Variants in GSK3B observed in about 807,000 individuals in gnomAD.
GSK3B encodes glycogen synthase kinase 3 beta, also known as glycogen synthase kinase-3 beta.
In GSK3B, 15 loss-of-function variants were observed where a neutral mutation model predicts 56.4. The observed-to-expected ratio is 0.27, with a 90% CI of 0.18 to 0.41. The LOEUF is 0.41. GSK3B is among the 10% of genes least tolerant of loss of function. GSK3B has a pLI of 1.00. For missense variants in GSK3B, 300 were observed against 513.4 expected, an observed-to-expected ratio of 0.58 and a Z score of 4.02; for synonymous variants, 181 against 188.9, an observed-to-expected ratio of 0.96 and a Z score of 0.34.
At chr3:119,948,779 A>G (rs1210537727) in intron 2 of GSK3B, among the ~76,000 whole-genome samples, 2 of 152,088 alleles carry the variant, frequency 1.3e-5, no homozygotes, top group Non-Finnish European at 2.9e-5. Context: ...GCTCATTGCA[A>G]CCTTTGCCTC....
chr3:120,063,293 T>C (rs2058252494), intron 1 of GSK3B, among the ~76,000 whole-genome samples: 1 of 152,210 alleles, frequency 6.6e-6, no homozygotes, highest in Admixed American at 6.5e-5. Context: ...TGAGTATCCG[T>C]GGTAAAATAT....
intron 7 of GSK3B, among the ~76,000 whole-genome samples, chr3:119,885,361 GA>G (rs1164877355): frequency 1.3e-5 from 2 of 152,112 alleles, no homozygotes; most frequent in East Asian, 3.9e-4. Context: ...ACTGCTAAGA[GA>G]AATCACAGAT....
intron 1 of GSK3B, 151 bp downstream of exon 1, chr3:120,093,196 G>A (rs1258382915): frequency 1.8e-6 from 1 of 560,904 alleles, no homozygotes; most frequent in East Asian, 2.8e-5. Context: ...GGAGTAAAAA[G>A]GGAGCTGCTT....
intron 10 of GSK3B, among the ~76,000 whole-genome samples, chr3:119,831,062 A>G (rs2055590296): frequency 6.6e-6 from 1 of 152,242 alleles, no homozygotes; most frequent in South Asian, 2.1e-4. Context: ...CATGTCATTT[A>G]GCTCACACAG....
intron 2 of GSK3B, 64 bp from the exon 3 acceptor site, chr3:119,947,415 G>GCAAC: frequency 1.0e-6 from 1 of 997,120 alleles, no homozygotes; most frequent in East Asian, 2.4e-5. Flanking sequence ...TATTGAACAA[G>GCAAC]ATGCTTCTGA....
chr3:120,090,855 T>C (rs540968455), intron 1 of GSK3B, among the ~76,000 whole-genome samples: 5 of 152,320 alleles, frequency 3.3e-5, no homozygotes, highest in African/African-American at 9.6e-5. Flanking sequence ...CTTTCTCTTA[T>C]TTCTCAAATT....
intron 8 of GSK3B, among the ~76,000 whole-genome samples, chr3:119,864,401 C>T (rs146875266): frequency 1.3e-5 from 2 of 152,106 alleles, no homozygotes; most frequent in East Asian, 1.9e-4. Flanking sequence ...CTAATAAATA[C>T]AAAAACTATA....
At chr3:119,853,521 A>G (rs1270752562) in intron 9 of GSK3B, among the ~76,000 whole-genome samples, 1 of 152,088 alleles carries the variant, frequency 6.6e-6, no homozygotes, top group Non-Finnish European at 1.5e-5. Flanking sequence ...CAGTAGGGCC[A>G]TTTTCACGAC....
intron 4 of GSK3B, among the ~76,000 whole-genome samples, chr3:119,920,250 A>T (rs1676582353): frequency 6.6e-6 from 1 of 152,020 alleles, no homozygotes; most frequent in Admixed American, 6.6e-5. Context: ...GAATTATTCA[A>T]TTTTTTTGAG....
chr3:120,057,572 T>G (rs2058201595), intron 1 of GSK3B, among the ~76,000 whole-genome samples: 1 of 152,210 alleles, frequency 6.6e-6, no homozygotes, highest in Admixed American at 6.5e-5. Flanking sequence ...CTGATAATTT[T>G]AAATGTTTTG....
intron 1 of GSK3B, among the ~76,000 whole-genome samples, chr3:120,006,023 A>G (rs2057724312): frequency 6.6e-6 from 1 of 152,200 alleles, no homozygotes; most frequent in South Asian, 2.1e-4. Context: ...TGCTGTATTC[A>G]GGAGACCCAT....
intron 9 of GSK3B, among the ~76,000 whole-genome samples, chr3:119,855,304 G>A (rs988915073): frequency 1.3e-5 from 2 of 152,186 alleles, no homozygotes; most frequent in African/African-American, 4.8e-5. Context: ...AGTTAGAATG[G>A]TGATCATTAA....
intron 2 of GSK3B, among the ~76,000 whole-genome samples, chr3:119,975,576 T>C (rs990332105): frequency 2.0e-5 from 3 of 152,006 alleles, no homozygotes; most frequent in Admixed American, 6.6e-5. Context: ...ACTATGGAAA[T>C]AGTAAAAAGA....
chr3:119,894,499 A>C (rs1172242601), intron 7 of GSK3B, among the ~76,000 whole-genome samples: 1 of 152,118 alleles, frequency 6.6e-6, no homozygotes, highest in Admixed American at 6.6e-5. Context: ...CATTTCCTTG[A>C]TGAATAATGA....
chr3:119,826,607 T>C lies in GSK3B; in HGVS notation c.*181A>G, dbSNP rs1186349448. 1 of 654,218 alleles carries C rather than the reference T, an allele frequency of 1.5e-6. No homozygotes were observed. 40.5% of individuals were successfully genotyped at this position (654,218 alleles called of 1,614,324 possible). ...CAAAGTGAGAATACAATGAAATTGGTTTGTATTTATAGATATTTTACAAGG... is the reference window on the plus strand; with the variant it reads ...CAAAGTGAGAATACAATGAAATTGGCTTGTATTTATAGATATTTTACAAGG... On this transcript the variant is annotated 3_prime_UTR_variant, in exon 11 of 11. Transcript: ENST00000264235.
Position 119,823,202 on chromosome 3 carries a change from T to C in GSK3B, c.*3586A>G, listed in dbSNP as rs1197245868. 4.4e-6 allele frequency: 1 copy of C among 227,566 alleles called. No individual in the cohort carries two copies. The highest frequency in any genetic ancestry group is 8.7e-6 in the Non-Finnish European group (1 of 114,464). The allele number at this position is 227,566 out of a possible 1,614,324, so 14.1% of individuals were successfully genotyped here. ...TATGGACTACTTTGAGGCAAAACAT[T>C]CTATTTTTCTTTCAAAAAAGGCCTT... On this transcript the variant is annotated 3_prime_UTR_variant, in exon 11 of 11. Transcript: ENST00000264235.
chr3:120,020,716 T>A (rs537071438), intron 1 of GSK3B, among the ~76,000 whole-genome samples: 20 of 152,158 alleles, frequency 1.3e-4, no homozygotes, highest in Admixed American at 1.2e-3. Flanking sequence ...GTCACCTATC[T>A]CTCACTTTAA....
At chr3:119,901,070 C>T (rs942282536) in intron 7 of GSK3B, among the ~76,000 whole-genome samples, 7 of 152,174 alleles carry the variant, frequency 4.6e-5, no homozygotes, top group African/African-American at 1.7e-4. Context: ...AGCTCCACTG[C>T]TATGGCCAAC....
At chr3:119,853,561 T>G (rs1209692247) in intron 9 of GSK3B, among the ~76,000 whole-genome samples, 1 of 151,914 alleles carries the variant, frequency 6.6e-6, no homozygotes, top group Middle Eastern at 3.4e-3. Context: ...GAGCATGGAA[T>G]GTTCTTTCAT....
Sources: gnomAD v4.1 joint callset for allele counts (sites outside exome capture counted in the v4.1 genomes callset) on GRCh38, gnomAD v4.1.1 for gene constraint, MANE v1.5 for transcripts, NCBI Gene and HGNC (gene_info 2026-07-23, HGNC 2026-07-21) for gene names.